Variants in CAMK4 observed in about 807,000 individuals in gnomAD.
CAMK4 encodes the protein calcium/calmodulin dependent protein kinase IV.
CAMK4 carries 22 observed loss-of-function variants against 44.9 expected under a neutral mutation model. That is an observed-to-expected ratio of 0.49 (90% CI 0.35 to 0.70). CAMK4 has a LOEUF of 0.70. Ranked by LOEUF, CAMK4 falls within the 30% of genes least tolerant of loss-of-function variation. The pLI is 0.01. For synonymous variants in CAMK4, 218 were observed against 215.4 expected, an observed-to-expected ratio of 1.01 and a Z score of -0.11; for missense variants, 498 against 586.8, an observed-to-expected ratio of 0.85 and a Z score of 1.56.
intron 5 of CAMK4, among the ~76,000 whole-genome samples, chr5:111,413,546 C>T (rs1752704449): frequency 6.7e-6 from 1 of 149,548 alleles, no homozygotes; most frequent in African/African-American, 2.5e-5. Flanking sequence ...CACTGCACTG[C>T]AGCCTGGGTG....
At chr5:111,421,986 T>G (rs543232950) in intron 5 of CAMK4, among the ~76,000 whole-genome samples, 42 of 152,328 alleles carry the variant, frequency 2.8e-4, no homozygotes, top group African/African-American at 8.7e-4. Flanking sequence ...TTCGCCTTCC[T>G]CCATGATTGT....
intron 1 of CAMK4, among the ~76,000 whole-genome samples, chr5:111,261,169 A>G (rs1285522907): frequency 6.6e-6 from 1 of 152,192 alleles, no homozygotes; most frequent in Non-Finnish European, 1.5e-5. Flanking sequence ...GATTATTCCC[A>G]AACTCAGTTA....
At chr5:111,309,907 T>TA (rs1484733512) in intron 1 of CAMK4, among the ~76,000 whole-genome samples, 2 of 152,310 alleles carry the variant, frequency 1.3e-5, no homozygotes, top group South Asian at 2.1e-4. Context: ...GCTAGGCTGA[T>TA]ACCTTAATTT....
intron 6 of CAMK4, among the ~76,000 whole-genome samples, chr5:111,448,543 C>T (rs115938660): frequency 0.012 from 1,844 of 152,360 alleles, 19 homozygotes; most frequent in Non-Finnish European, 0.017. Context: ...CGCGGGGGCT[C>T]ACACCTGTAA....
chr5:111,426,751 G>C (rs1246223058), intron 5 of CAMK4, among the ~76,000 whole-genome samples: 4 of 152,202 alleles, frequency 2.6e-5, no homozygotes, highest in African/African-American at 9.7e-5. Flanking sequence ...TGTTAGAGCA[G>C]AAAGGAAACC....
At chr5:111,451,685 C>T (rs1378556826) in intron 7 of CAMK4, among the ~76,000 whole-genome samples, 1 of 151,814 alleles carries the variant, frequency 6.6e-6, no homozygotes, top group East Asian at 1.9e-4. Flanking sequence ...GAGAGGATTG[C>T]TTGAGGGTCA....
At chr5:111,383,858 G>A (rs776740284) in intron 4 of CAMK4, among the ~76,000 whole-genome samples, 1 of 152,086 alleles carries the variant, frequency 6.6e-6, no homozygotes, top group African/African-American at 2.4e-5. Context: ...CAACATGGAT[G>A]AACTTTAAAA....
chr5:111,267,492 G>A (rs1750303853), intron 1 of CAMK4, among the ~76,000 whole-genome samples: 1 of 151,868 alleles, frequency 6.6e-6, no homozygotes, highest in African/African-American at 2.4e-5. Flanking sequence ...CGAGGCGGGC[G>A]GATCACGAGG....
chr5:111,442,445 C>T (rs1003033189), intron 5 of CAMK4, among the ~76,000 whole-genome samples: 3 of 151,626 alleles, frequency 2.0e-5, no homozygotes, highest in Admixed American at 6.6e-5. Flanking sequence ...TGCAGTAAGC[C>T]AAGATCGCAC....
chr5:111,323,235 T>A (rs1748736733), intron 1 of CAMK4, among the ~76,000 whole-genome samples: 1 of 151,952 alleles, frequency 6.6e-6, no homozygotes, highest in Non-Finnish European at 1.5e-5. Flanking sequence ...GAGAAAATCT[T>A]AAAAGGAACC....
chr5:111,330,749 A>G (rs1749132974), intron 1 of CAMK4, among the ~76,000 whole-genome samples: 1 of 151,468 alleles, frequency 6.6e-6, no homozygotes. Flanking sequence ...AACTACTGTA[A>G]AACTACAGAA....
chr5:111,357,217 A>G (rs1265981090), intron 2 of CAMK4, among the ~76,000 whole-genome samples: 3 of 152,136 alleles, frequency 2.0e-5, no homozygotes, highest in Non-Finnish European at 2.9e-5. Context: ...TCACTCTGGT[A>G]GAAGCAGGAG....
chr5:111,249,882 C>G (rs1367682189), intron 1 of CAMK4, among the ~76,000 whole-genome samples: 1 of 151,924 alleles, frequency 6.6e-6, no homozygotes, highest in Non-Finnish European at 1.5e-5. Flanking sequence ...AAATTGCATA[C>G]AGGAGGAGCA....
intron 4 of CAMK4, among the ~76,000 whole-genome samples, chr5:111,383,973 A>G (rs1751507715): frequency 6.6e-6 from 1 of 152,174 alleles, no homozygotes; most frequent in South Asian, 2.1e-4. Flanking sequence ...GACAGAAGCA[A>G]AACAGTGGTT....
At position 111,383,622 on chromosome 5, in the gene CAMK4, AT is replaced by A. The variant is rs10671641; in HGVS notation, c.386+6696del. 1.7e-3 allele frequency among the ~76,000 whole-genome samples: 244 copies of A among 141,918 alleles called. 1 individual carries two copies. Among genetic ancestry groups the A allele is most frequent in the East Asian group, 3.1e-3 (15 of 4,810 alleles). 93.1% of individuals were successfully genotyped at this position (141,918 alleles called of 152,430 possible). ...TAGATGTGTTACAAGAGGGGAGATA[AT>A]TTTTTTTTTTTTTTTGTATTTTTAG... On this transcript the variant is annotated intron_variant, in intron 4 of 10. Coordinates refer to ENST00000282356, the MANE Select transcript of CAMK4 (RefSeq NM_001744.6).
rs547556894 is a variant in CAMK4 at position 111,270,862 on chromosome 5, C to T, written c.161+46218C>T. Among the ~76,000 whole-genome samples, 121 of 152,222 alleles carry T rather than the reference C, an allele frequency of 7.9e-4. 1 individual carries two copies. Among genetic ancestry groups the T allele is most frequent in the African/African-American group, 2.8e-3 (117 of 41,524 alleles). ...TTCTCACACTGCTATAAAGTTATAT[C>T]CAAGATGGAGTAATTTATAAAGGAA... On this transcript the variant is annotated intron_variant, in intron 1 of 10. Coordinates refer to ENST00000282356, the MANE Select transcript of CAMK4 (RefSeq NM_001744.6).
chr5:111,289,799 C>T (rs768522618), intron 1 of CAMK4, among the ~76,000 whole-genome samples: 2 of 152,240 alleles, frequency 1.3e-5, no homozygotes, highest in African/African-American at 4.8e-5. Flanking sequence ...CAATGAATCA[C>T]CCCACATTCA....
intron 2 of CAMK4, among the ~76,000 whole-genome samples, chr5:111,356,489 C>A (rs1336503776): frequency 6.6e-6 from 1 of 152,230 alleles, no homozygotes; most frequent in Non-Finnish European, 1.5e-5. Context: ...TTTTGCTGTG[C>A]AGAAGCTCTT....
intron 5 of CAMK4, among the ~76,000 whole-genome samples, chr5:111,431,741 C>A (rs897664223): frequency 2.0e-5 from 3 of 152,008 alleles, no homozygotes; most frequent in Non-Finnish European, 4.4e-5. Context: ...ATACAAATGG[C>A]AAACAGGCAT....
Sources: allele counts gnomAD v4.1 joint callset (sites outside exome capture counted in the v4.1 genomes callset), GRCh38; gene constraint gnomAD v4.1.1; transcripts MANE v1.5; gene names NCBI Gene and HGNC (gene_info 2026-07-23, HGNC 2026-07-21).